Variants in TTC32 observed in about 807,000 individuals in gnomAD.
TTC32 encodes the protein tetratricopeptide repeat protein 32.
A neutral mutation model predicts 15.3 loss-of-function variants in TTC32; 16 were observed. The observed-to-expected ratio is 1.05, with a 90% CI of 0.71 to 1.59. TTC32 has a LOEUF of 1.59. TTC32 is among the 40% of genes most tolerant of loss of function. The probability of loss-of-function intolerance (pLI) is 0.00; values close to 1 mark genes in which losing one functional copy is unlikely to be tolerated. For synonymous variants in TTC32, 89 were observed against 67.8 expected, an observed-to-expected ratio of 1.31 and a Z score of -1.53; for missense variants, 188 against 181.9, an observed-to-expected ratio of 1.03 and a Z score of -0.19.
chr2:19,899,518 T>A (rs1669567689), intron 1 of TTC32, among the ~76,000 whole-genome samples: 1 of 152,024 alleles, frequency 6.6e-6, no homozygotes, highest in South Asian at 2.1e-4. Context: ...GTGGAAATTT[T>A]GTTTCATATT....
At chr2:19,900,804 A>G (rs1669588418) in intron 1 of TTC32, among the ~76,000 whole-genome samples, 1 of 152,250 alleles carries the variant, frequency 6.6e-6, no homozygotes, top group African/African-American at 2.4e-5. Flanking sequence ...ATTCAATTGG[A>G]TCAAACCTCA....
rs1339894209 is a variant in TTC32 at position 19,901,688 on chromosome 2, A to T, written c.149+18T>A. 1 of 1,604,248 alleles carries T rather than the reference A, an allele frequency of 6.2e-7. No individual in the cohort carries two copies. Among genetic ancestry groups the T allele is most frequent in the Admixed American group, 1.7e-5 (1 of 59,676 alleles). Reference sequence around the variant, plus strand: ...CTCCACCCGGGGTCGCCGCGGCCCCAGGTCTCGCGATAGTTACCTCCCGGG... The same window carrying T: ...CTCCACCCGGGGTCGCCGCGGCCCCTGGTCTCGCGATAGTTACCTCCCGGG... On this transcript the variant is annotated intron_variant, in intron 1 of 2. Transcript: ENST00000333610.
At position 19,901,664 on chromosome 2, in the gene TTC32, T is replaced by G. The variant is rs775177131; in HGVS notation, c.149+42A>C. On this transcript the variant is annotated intron_variant, in intron 1 of 2. Coordinates refer to ENST00000333610, the MANE Select transcript of TTC32 (RefSeq NM_001008237.3). ...GAGCCCAAACAACCCCAACGTCGCC[T>G]CCACCCGGGGTCGCCGCGGCCCCAG... The G allele has an allele frequency of 1.7e-5, 27 of 1,591,920 alleles. No individual in the cohort carries two copies. The South Asian group carries it at 3.0e-4, about 18-fold the overall frequency.
At chr2:19,900,995 A>G (rs1427762550) in intron 1 of TTC32, 1 of 457,154 alleles carries the variant, frequency 2.2e-6, no homozygotes, top group South Asian at 1.6e-5. Flanking sequence ...CCTGACTTGA[A>G]CTAACTGCGA....
chr2:19,901,668 C>A, intron 1 of TTC32, 38 bp downstream of exon 1: 1 of 1,596,414 alleles, frequency 6.3e-7, no homozygotes. Context: ...GTCGCCTCCA[C>A]CCGGGGTCGC....
Position 19,901,848 on chromosome 2 carries a change from C to T in TTC32, c.7G>A (p.Gly3Arg), listed in dbSNP as rs200522057. 56 of 1,614,082 alleles carry T rather than the reference C, an allele frequency of 3.5e-5. No individual in the cohort carries two copies. The South Asian group carries it at 5.6e-4, about 16-fold the overall frequency. The change falls in exon 1 of 3, where the codon GGA (glycine) becomes AGA (arginine). Residue 3 changes from glycine (G) to arginine (R), a missense_variant. Coordinates refer to ENST00000333610, the MANE Select transcript of TTC32 (RefSeq NM_001008237.3). ...GTTGCGTGGCTTTCTTGCCGCTGTC[C>T]TTCCATAGCAGCCAAGGCCTAGTTT... ME[G>R]QRQESHATLT... is the part of the protein sequence containing the mutation.
chr2:19,901,821 G>C lies in TTC32; in HGVS notation c.34C>G (p.Leu12Val), dbSNP rs1285846307. 6.2e-7 allele frequency: 1 copy of C among 1,614,066 alleles called. No individual in the cohort carries two copies. The highest frequency in any genetic ancestry group is 1.3e-5 in the African/African-American group (1 of 74,942). Residue 12 changes from leucine to valine, a missense_variant, in exon 1 of 3, where the codon CTA becomes GTA. By Grantham distance (32) the Leu-to-Val change is conservative (BLOSUM62 1). Transcript: ENST00000333610. Reference sequence around the variant, plus strand: ...TTGAAATGAGCCTGGGCGAGTGTTAGGGTTGCGTGGCTTTCTTGCCGCTGT... The same window carrying C: ...TTGAAATGAGCCTGGGCGAGTGTTACGGTTGCGTGGCTTTCTTGCCGCTGT... The part of the protein sequence containing the change: ...EGQRQESHAT[L>V]TLAQAHFNNG...
rs1039045423 is a variant in TTC32, at chr2:19,900,895, A to C, written c.149+811T>G. 7 of 324,674 alleles carry C rather than the reference A, an allele frequency of 2.2e-5. No individual in the cohort carries two copies. The East Asian group carries it at 3.7e-4, about 17-fold the overall frequency. The allele number at this position is 324,674 out of a possible 1,614,324, so 20.1% of individuals were successfully genotyped here. A position where few individuals can be genotyped will look rare whatever the true frequency, so the allele number is the denominator to read the frequency against. On this transcript the variant is annotated intron_variant, in intron 1 of 2. Transcript: ENST00000333610. Reference sequence around the variant, plus strand: ...AAGAGATTCAGTCAGCAAGTCCAAAACACGGAAATTCAAAGGACACAAGAA... The same window carrying C: ...AAGAGATTCAGTCAGCAAGTCCAAACCACGGAAATTCAAAGGACACAAGAA...
intron 2 of TTC32, 149 bp from the exon 3 acceptor site, chr2:19,897,275 T>C: frequency 1.3e-6 from 1 of 752,284 alleles, no homozygotes; most frequent in East Asian, 3.1e-5. Flanking sequence ...ATCTTAATAA[T>C]ATAGAGATGT....
intron 1 of TTC32, chr2:19,901,225 A>C: frequency 9.2e-6 from 3 of 327,440 alleles, no homozygotes; most frequent in Admixed American, 4.1e-5. Flanking sequence ...CACAAGTGAA[A>C]AACACCACCA....
In TTC32 at chr2:19,897,878, A is replaced by G. The variant is rs751251296; in HGVS notation, c.307T>C (p.Tyr103His). The change falls in exon 2 of 3, where the codon TAT (tyrosine) becomes CAT (histidine). Residue 103 changes from tyrosine to histidine, a missense_variant. Tyr to His is a moderately conservative substitution (Grantham distance 83, BLOSUM62 2). Transcript: ENST00000333610. ...GAAAAAAAATTCTTACCCAGCCTATACAGTATCAACCCTCTGTTGTAATAT... is the reference window on the plus strand; with the variant it reads ...GAAAAAAAATTCTTACCCAGCCTATGCAGTATCAACCCTCTGTTGTAATAT... ...VPYYNRGLIL[Y>H]RLGYFDDALE... The G allele has an allele frequency of 6.3e-7, 1 of 1,592,386 alleles. No homozygotes were observed. The highest frequency in any genetic ancestry group is 8.6e-7 in the Non-Finnish European group (1 of 1,167,122).
intron 1 of TTC32, chr2:19,901,394 A>G: frequency 2.8e-6 from 1 of 358,800 alleles, no homozygotes. Context: ...AGGAACGTGG[A>G]AGGAGAGACG....
intron 1 of TTC32, among the ~76,000 whole-genome samples, chr2:19,899,245 C>A (rs191558089): frequency 5.5e-4 from 84 of 152,292 alleles, no homozygotes; most frequent in African/African-American, 1.9e-3. Flanking sequence ...TGCCACTAAG[C>A]ACCCCCGTTA....
rs368461928 is a variant in TTC32, at chr2:19,897,037, T to C, written c.406A>G (p.Ile136Val). The change falls in exon 3 of 3, where the codon ATT (isoleucine) becomes GTT (valine). Residue 136 changes from isoleucine to valine, a missense_variant. By Grantham distance (29) the Ile-to-Val change is conservative. Coordinates refer to ENST00000333610, the MANE Select transcript of TTC32 (RefSeq NM_001008237.3). ...CTTTGTTTTTCTTCTTTGTCTAGAATAGTCTGTTTTAAGCTCAAAGTAGCA... is the reference window on the plus strand; with the variant it reads ...CTTTGTTTTTCTTCTTTGTCTAGAACAGTCTGTTTTAAGCTCAAAGTAGCA... ...QDATLSLKQT[I>V]LDKEEKQRRN... The C allele has an allele frequency of 9.7e-5, 156 of 1,605,564 alleles. No homozygotes were observed. The highest frequency in any genetic ancestry group is 1.3e-4 in the Non-Finnish European group (152 of 1,176,396).
In TTC32 at chr2:19,897,141, A is replaced by C. The variant is rs1252014572; in HGVS notation, c.317-15T>G. ...ATCAAAATATCCTGTACCAGAACCC[A>C]AAAAATGGAAAAGAGAAAAGAAACC... On this transcript the variant is annotated splice_polypyrimidine_tract_variant and intron_variant, in intron 2 of 2. Transcript: ENST00000333610. The C allele has an allele frequency of 3.8e-6, 6 of 1,572,504 alleles. No homozygotes were observed. The highest frequency in any genetic ancestry group is 3.7e-5 in the South Asian group (3 of 82,174).
chr2:19,897,751 A>C, intron 2 of TTC32, 118 bp downstream of exon 2: 1 of 860,708 alleles, frequency 1.2e-6, no homozygotes, highest in Non-Finnish European at 1.7e-6. Flanking sequence ...CCAAGCTCTA[A>C]ACCTAAATTT....
Position 19,901,890 on chromosome 2 carries a change from GT to G in TTC32, c.-37del, listed in dbSNP as rs1409807035. On this transcript the variant is annotated 5_prime_UTR_variant, in exon 1 of 3. Transcript: ENST00000333610. ...GCCTAGTTTTCGGTGTAGAATGGGG[GT>G]TGACCTCCGAGCGGTTAGAGGTGGC... The G allele has an allele frequency of 6.2e-7, 1 of 1,612,444 alleles. No homozygotes were observed. Among genetic ancestry groups the G allele is most frequent in the Non-Finnish European group, 8.5e-7 (1 of 1,179,128 alleles).
rs1669538295 is a variant in TTC32 at position 19,898,011 on chromosome 2, A to C, written c.174T>G (p.Ala58=). Residue 58 remains alanine (A), a synonymous_variant, in exon 2 of 3, where the codon GCT becomes GCG. Coordinates refer to ENST00000333610, the MANE Select transcript of TTC32 (RefSeq NM_001008237.3). The part of the protein sequence containing the change: ...PGSKCSPEDL[A]TAYNNRGQIK... ...TTTGCCCCCTGTTGTTATATGCAGT[A>C]GCCAAATCCTCAGGGCTGCATTTGC... is the stretch of plus-strand genomic sequence containing the variant. 1 of 1,588,612 alleles carries C rather than the reference A, an allele frequency of 6.3e-7. No homozygotes were observed. Among genetic ancestry groups the C allele is most frequent in the Non-Finnish European group, 8.6e-7 (1 of 1,163,552 alleles).
chr2:19,901,781 G>A lies in TTC32; in HGVS notation c.74C>T (p.Ala25Val), dbSNP rs1038554658. The A allele has an allele frequency of 6.2e-7, 1 of 1,614,178 alleles. No homozygotes were observed. The highest frequency in any genetic ancestry group is 2.2e-5 in the East Asian group (1 of 44,876). The change falls in exon 1 of 3, where the codon GCG becomes GTG. Residue 25 changes from alanine (A) to valine (V), a missense_variant. Physicochemically the swap from Ala to Val is moderately conservative, Grantham distance 64 (BLOSUM62 0). Coordinates refer to ENST00000333610, the MANE Select transcript of TTC32 (RefSeq NM_001008237.3). ...AQAHFNNGEY[A>V]EAEALYSAYI... ...AGCGGAGTACAGTGCCTCGGCCTCC[G>A]CGTACTCTCCATTGTTGAAATGAGC...
Sources: allele counts gnomAD v4.1 joint callset (sites outside exome capture counted in the v4.1 genomes callset), GRCh38; gene constraint gnomAD v4.1.1; transcripts MANE v1.5; gene names NCBI Gene and HGNC (gene_info 2026-07-23, HGNC 2026-07-21).